Variants in CACNG2 observed in about 807,000 individuals in gnomAD.
CACNG2 encodes voltage-dependent calcium channel gamma-2 subunit.
A neutral mutation model predicts 25.9 loss-of-function variants in CACNG2; 3 were observed. The observed-to-expected ratio is 0.12, with a 90% CI of 0.05 to 0.30. The LOEUF (loss-of-function observed/expected upper bound fraction) is 0.30. Among genes scored for constraint, CACNG2 ranks in the 10% least tolerant of loss-of-function variants. CACNG2 has a pLI of 1.00. For missense variants in CACNG2, 341 were observed against 432.5 expected, an observed-to-expected ratio of 0.79 and a Z score of 1.88; for synonymous variants, 167 against 173.3, an observed-to-expected ratio of 0.96 and a Z score of 0.29.
chr22:36,677,814 G>A (rs914103260), intron 1 of CACNG2, among the ~76,000 whole-genome samples: 2 of 152,324 alleles, frequency 1.3e-5, no homozygotes, highest in Admixed American at 6.5e-5. Context: ...ACAAGGTTGT[G>A]AATTGCACAT....
intron 1 of CACNG2, among the ~76,000 whole-genome samples, chr22:36,668,176 T>A (rs1029492244): frequency 1.3e-5 from 2 of 152,202 alleles, no homozygotes; most frequent in Non-Finnish European, 1.5e-5. Flanking sequence ...CTTATCCTTG[T>A]TTCTGACTCC....
chr22:36,667,737 G>A (rs1474820554), intron 1 of CACNG2, among the ~76,000 whole-genome samples: 2 of 152,182 alleles, frequency 1.3e-5, no homozygotes, highest in East Asian at 1.9e-4. Flanking sequence ...TGAACAGAGA[G>A]GCATAAAGCA....
intron 1 of CACNG2, among the ~76,000 whole-genome samples, chr22:36,619,329 A>T (rs1208132212): frequency 1.3e-5 from 2 of 152,270 alleles, no homozygotes; most frequent in African/African-American, 4.8e-5. Context: ...ATGTAAAAAC[A>T]TTATCACTAG....
At chr22:36,631,947 A>G (rs1431522256) in intron 1 of CACNG2, among the ~76,000 whole-genome samples, 18 of 152,130 alleles carry the variant, frequency 1.2e-4, no homozygotes, top group East Asian at 3.9e-4. Flanking sequence ...GTTGGATTCA[A>G]TGGGAATCAG....
chr22:36,594,402 C>T (rs973361775), intron 1 of CACNG2, among the ~76,000 whole-genome samples: 1 of 152,200 alleles, frequency 6.6e-6, no homozygotes, highest in Non-Finnish European at 1.5e-5. Context: ...TTGTATGCCA[C>T]GCTCCATGCA....
chr22:36,632,233 G>A (rs573674331), intron 1 of CACNG2, among the ~76,000 whole-genome samples: 2 of 151,594 alleles, frequency 1.3e-5, no homozygotes, highest in African/African-American at 2.4e-5. Context: ...ATGGTCTCTC[G>A]AAGACATAGG....
chr22:36,639,520 G>A (rs968497511), intron 1 of CACNG2, among the ~76,000 whole-genome samples: 1 of 152,174 alleles, frequency 6.6e-6, no homozygotes, highest in African/African-American at 2.4e-5. Flanking sequence ...GGGGCACACA[G>A]CACCCTCTCT....
intron 1 of CACNG2, among the ~76,000 whole-genome samples, chr22:36,597,913 ATTG>A (rs1444955964): frequency 2.6e-5 from 4 of 152,172 alleles, no homozygotes; most frequent in African/African-American, 4.8e-5. Context: ...CTCTTTGTGT[ATTG>A]TTGTTTGGGA....
intron 1 of CACNG2, among the ~76,000 whole-genome samples, chr22:36,679,189 C>CTTTCTTTCTTTCTTTCTTT (rs1937058688): frequency 1.0e-4 from 7 of 69,322 alleles, no homozygotes; most frequent in African/African-American, 4.2e-4. Context: ...TTCCTTCCTT[C>CTTTCTTTCTTTCTTTCTTT]CTTCCTTCCT....
intron 1 of CACNG2, among the ~76,000 whole-genome samples, chr22:36,675,358 T>A (rs919966397): frequency 1.8e-4 from 28 of 152,158 alleles, no homozygotes; most frequent in African/African-American, 6.3e-4. Context: ...TAAGGTAATT[T>A]ATGAGGTGGG....
intron 1 of CACNG2, among the ~76,000 whole-genome samples, chr22:36,623,449 C>G (rs1936138620): frequency 6.6e-6 from 1 of 152,170 alleles, no homozygotes; most frequent in South Asian, 2.1e-4. Context: ...CTGCCCCTTC[C>G]TGCTGGTGTA....
intron 1 of CACNG2, among the ~76,000 whole-genome samples, chr22:36,686,695 T>G (rs1569052868): frequency 6.6e-6 from 1 of 152,230 alleles, no homozygotes; most frequent in Non-Finnish European, 1.5e-5. Context: ...GACCCCACAC[T>G]ACTTGCTGCC....
intron 1 of CACNG2, among the ~76,000 whole-genome samples, chr22:36,671,953 G>A (rs1158878022): frequency 6.6e-6 from 1 of 152,182 alleles, no homozygotes; most frequent in African/African-American, 2.4e-5. Flanking sequence ...GATTAGGACT[G>A]AGGATAGGAA....
chr22:36,664,945 G>A (rs142677548), intron 1 of CACNG2, among the ~76,000 whole-genome samples: 3 of 152,132 alleles, frequency 2.0e-5, no homozygotes, highest in Non-Finnish European at 4.4e-5. Flanking sequence ...TGGTGGATTG[G>A]GAGGGTAGGA....
chr22:36,605,583 T>C (rs769760813), intron 1 of CACNG2, among the ~76,000 whole-genome samples: 3 of 152,230 alleles, frequency 2.0e-5, no homozygotes, highest in African/African-American at 4.8e-5. Context: ...CCACTGAACC[T>C]GAGCGTTGGC....
chr22:36,627,455 T>G (rs960037832), intron 1 of CACNG2, among the ~76,000 whole-genome samples: 4 of 152,132 alleles, frequency 2.6e-5, no homozygotes, highest in African/African-American at 9.7e-5. Context: ...ACATATAGTC[T>G]GTACAGAAAG....
chr22:36,687,922 C>T (rs1937222103), intron 1 of CACNG2, among the ~76,000 whole-genome samples: 1 of 152,174 alleles, frequency 6.6e-6, no homozygotes, highest in Non-Finnish European at 1.5e-5. Flanking sequence ...GCAGCCCTGC[C>T]CACACCTTGG....
Position 36,694,179 on chromosome 22 carries a change from C to T in CACNG2, c.211+8187G>A, listed in dbSNP as rs374953786. 4.6e-5 allele frequency among the ~76,000 whole-genome samples: 7 copies of T among 152,248 alleles called. No homozygotes were observed. The South Asian group carries it at 1.0e-3, about 23-fold the overall frequency. ...TTCTCCCTGCAGCAAGATAGCTGAC[C>T]GTCTTCTTTTGATTCTAAGGCTCGT... On this transcript the variant is annotated intron_variant, in intron 1 of 3. Coordinates refer to ENST00000300105, the MANE Select transcript of CACNG2 (RefSeq NM_006078.5).
chr22:36,620,715 C>T (rs1936093078), intron 1 of CACNG2, among the ~76,000 whole-genome samples: 1 of 152,206 alleles, frequency 6.6e-6, no homozygotes, highest in South Asian at 2.1e-4. Flanking sequence ...TCACGTCAGA[C>T]ACACACATTA....
Sources: allele counts gnomAD v4.1 joint callset (sites outside exome capture counted in the v4.1 genomes callset), GRCh38; gene constraint gnomAD v4.1.1; transcripts MANE v1.5; gene names NCBI Gene and HGNC (gene_info 2026-07-23, HGNC 2026-07-21).